Variants in CDH11 observed in about 807,000 individuals in gnomAD.
The protein encoded by CDH11 is cadherin-11.
CDH11 carries 11 observed loss-of-function variants against 67.8 expected under a neutral mutation model. The observed-to-expected ratio is 0.16, with a 90% confidence interval of 0.10 to 0.27. The LOEUF (loss-of-function observed/expected upper bound fraction) is 0.27. CDH11 is among the 10% of genes least tolerant of loss of function. The pLI, the probability that CDH11 is intolerant of heterozygous loss-of-function variation, is 1.00. For missense variants in CDH11, 847 were observed against 1,031.2 expected (o/e 0.82, Z 2.45); for synonymous variants, 419 against 400.0 (o/e 1.05, Z -0.57).
Position 64,947,598 on chromosome 16 carries a change from T to C in CDH11, c.*5A>G. On this transcript the variant is annotated 3_prime_UTR_variant, in exon 13 of 13. Coordinates refer to ENST00000268603, the MANE Select transcript of CDH11 (RefSeq NM_001797.4). ...GTTCTTAAGGCCAAATTTGTATCGTTATTGTTAAGAATCGTCATCAAAAGT... is the reference window on the plus strand; with the variant it reads ...GTTCTTAAGGCCAAATTTGTATCGTCATTGTTAAGAATCGTCATCAAAAGT... 2 of 1,601,486 alleles carry C rather than the reference T, an allele frequency of 1.2e-6. No homozygotes were observed. The highest frequency in any genetic ancestry group is 1.7e-6 in the Non-Finnish European group (2 of 1,170,640).
chr16:64,948,661 A>G, intron 12 of CDH11: 1 of 1,611,526 alleles, frequency 6.2e-7, no homozygotes, highest in Non-Finnish European at 8.5e-7. Context: ...AGGAAGTTTT[A>G]TAAAGACCCC....
chr16:65,057,381 C>A (rs1386728633), intron 1 of CDH11, among the ~76,000 whole-genome samples: 2 of 152,200 alleles, frequency 1.3e-5, no homozygotes, highest in African/African-American at 4.8e-5. Flanking sequence ...CATCTATCAG[C>A]CCTTCCATCA....
chr16:64,968,557 G>A, intron 11 of CDH11: 1 of 985,274 alleles, frequency 1.0e-6, no homozygotes, highest in Non-Finnish European at 1.2e-6. Flanking sequence ...TGCTGAGTCG[G>A]CTTTGAAGCT....
At chr16:64,962,643 T>A (rs2142401263) in intron 11 of CDH11, among the ~76,000 whole-genome samples, 1 of 152,234 alleles carries the variant, frequency 6.6e-6, no homozygotes, top group East Asian at 1.9e-4. Context: ...GTTCTCACAG[T>A]GAATATTAGA....
chr16:65,118,100 G>A (rs1456697838), intron 1 of CDH11, among the ~76,000 whole-genome samples: 1 of 152,142 alleles, frequency 6.6e-6, no homozygotes, highest in African/African-American at 2.4e-5. Flanking sequence ...TAACAAAACC[G>A]CTTTTCATGA....
chr16:65,094,215 A>G (rs1250984049), intron 1 of CDH11, among the ~76,000 whole-genome samples: 1 of 152,252 alleles, frequency 6.6e-6, no homozygotes, highest in Non-Finnish European at 1.5e-5. Flanking sequence ...ATTCTAAAGC[A>G]CACCATAATT....
intron 11 of CDH11, among the ~76,000 whole-genome samples, chr16:64,951,488 AC>A (rs2142373294): frequency 6.6e-6 from 1 of 152,090 alleles, no homozygotes; most frequent in South Asian, 2.1e-4. Context: ...CTCACACCCT[AC>A]GTTTTCTCAC....
At position 64,964,548 on chromosome 16, in the gene CDH11, T is replaced by C. The variant is rs181601893; in HGVS notation, c.1642+7031A>G. Among the ~76,000 whole-genome samples, 18 of 151,978 alleles carry C rather than the reference T, an allele frequency of 1.2e-4. No individual in the cohort carries two copies. In the East Asian group the frequency reaches 3.5e-3, roughly 30 times the overall value. On this transcript the variant is annotated intron_variant, in intron 11 of 12. Coordinates refer to ENST00000268603, the MANE Select transcript of CDH11 (RefSeq NM_001797.4). The stretch of plus-strand genomic sequence containing the variant: ...TACTGTAGACTTATTTATTTATTTA[T>C]TTATTTATTTATTATTTTGAGACGG...
chr16:64,997,563 G>T (rs1181293085), intron 4 of CDH11, among the ~76,000 whole-genome samples: 1 of 152,038 alleles, frequency 6.6e-6, no homozygotes, highest in African/African-American at 2.4e-5. Context: ...TTTGATATTT[G>T]TTGTTTCTCA....
chr16:64,957,094 G>A (rs534165051), intron 11 of CDH11, among the ~76,000 whole-genome samples: 35 of 152,274 alleles, frequency 2.3e-4, no homozygotes, highest in Non-Finnish European at 4.0e-4. Flanking sequence ...AGGACCCTCT[G>A]CCCTCATCAT....
In CDH11 at chr16:64,944,086, G is replaced by C. The variant is rs2071154068; in HGVS notation, c.*3517C>G. On this transcript the variant is annotated 3_prime_UTR_variant, in exon 13 of 13. Coordinates refer to ENST00000268603, the MANE Select transcript of CDH11 (RefSeq NM_001797.4). ...GGATGGAGTGGAATGACACTGGAGA[G>C]GTTCGCAGGGCCCTGTTCATGTAAA... The C allele has an allele frequency of 4.3e-6, 1 of 232,662 alleles. No homozygotes were observed. Among genetic ancestry groups the C allele is most frequent in the Non-Finnish European group, 8.5e-6 (1 of 117,786 alleles). 14.4% of individuals were successfully genotyped at this position (232,662 alleles called of 1,614,324 possible).
At chr16:64,973,748 G>A (rs2142432718) in intron 8 of CDH11, among the ~76,000 whole-genome samples, 1 of 152,204 alleles carries the variant, frequency 6.6e-6, no homozygotes, top group East Asian at 1.9e-4. Context: ...GGAGGCTGCA[G>A]TTAGCCAAGA....
Position 64,998,619 on chromosome 16 carries a change from G to C in CDH11, c.466C>G (p.Pro156Ala), listed in dbSNP as rs1489084626. ...IVKVQDINDN[P>A]PEFLHETYHA... ...TAGGTCTCGTGCAGGAACTCCGGAG[G>C]GTTGTCATTAATGTCCTGGACCTTG... Residue 156 changes from proline (P) to alanine (A), a missense_variant, in exon 4 of 13, where the codon CCT becomes GCT. Transcript: ENST00000268603. 6 of 1,613,958 alleles carry C rather than the reference G, an allele frequency of 3.7e-6. No individual in the cohort carries two copies. The highest frequency in any genetic ancestry group is 5.1e-6 in the Non-Finnish European group (6 of 1,180,036).
chr16:65,058,480 A>G (rs2074184220), intron 1 of CDH11, among the ~76,000 whole-genome samples: 1 of 152,174 alleles, frequency 6.6e-6, no homozygotes, highest in South Asian at 2.1e-4. Context: ...GGGGTCACAC[A>G]TACACAGTCA....
intron 2 of CDH11, among the ~76,000 whole-genome samples, chr16:65,023,974 G>A (rs909849295): frequency 1.3e-5 from 2 of 152,168 alleles, no homozygotes; most frequent in African/African-American, 2.4e-5. Context: ...TCCTGGGGAT[G>A]CAGCCCAGCA....
chr16:65,057,630 C>T (rs1470605886), intron 1 of CDH11, among the ~76,000 whole-genome samples: 1 of 152,164 alleles, frequency 6.6e-6, no homozygotes, highest in Non-Finnish European at 1.5e-5. Flanking sequence ...AGGCTCAGTA[C>T]GTGCAGAGCC....
intron 1 of CDH11, among the ~76,000 whole-genome samples, chr16:65,061,302 G>C (rs1375480164): frequency 1.3e-5 from 2 of 152,114 alleles, no homozygotes; most frequent in East Asian, 3.8e-4. Context: ...GTAGTAATTA[G>C]ACAAAGAATG....
At chr16:65,078,563 T>C (rs2074555981) in intron 1 of CDH11, among the ~76,000 whole-genome samples, 1 of 152,150 alleles carries the variant, frequency 6.6e-6, no homozygotes, top group Non-Finnish European at 1.5e-5. Flanking sequence ...GAAGCTGATA[T>C]TTGCCAGAAC....
rs577193100 is a variant in CDH11 at position 65,029,843 on chromosome 16, A to G, written c.-173+23961T>C. Among the ~76,000 whole-genome samples the G allele has an allele frequency of 7.9e-5, 12 of 152,336 alleles. No homozygotes were observed. In the South Asian group the frequency reaches 1.9e-3, roughly 24 times the overall value. On this transcript the variant is annotated intron_variant, in intron 2 of 12. Coordinates refer to ENST00000268603, the MANE Select transcript of CDH11 (RefSeq NM_001797.4). ...ATTTTTTAGAGAGAACCTGGCCTCA[A>G]TGGGAACTCACCTGACATTGGAGGC... is the stretch of plus-strand genomic sequence containing the variant.
Sources: gnomAD v4.1 joint callset for allele counts (sites outside exome capture counted in the v4.1 genomes callset) on GRCh38, gnomAD v4.1.1 for gene constraint, MANE v1.5 for transcripts, NCBI Gene and HGNC (gene_info 2026-07-23, HGNC 2026-07-21) for gene names.